Variants in CNTNAP1 observed in about 807,000 individuals in gnomAD.
CNTNAP1 encodes the protein contactin associated protein 1, also known as contactin-associated protein 1.
A neutral mutation model predicts 161.5 loss-of-function variants in CNTNAP1; 80 were observed. The observed-to-expected ratio is 0.50, with a 90% CI of 0.41 to 0.60. CNTNAP1 has a LOEUF of 0.60. CNTNAP1 is among the 20% of genes least tolerant of loss of function. The pLI is 0.00. For missense variants in CNTNAP1, 1,464 were observed against 1,854.8 expected (o/e 0.79, Z 3.87); for synonymous variants, 695 against 733.1 (o/e 0.95, Z 0.84).
chr17:42,683,489 G>C, intron 1 of CNTNAP1: 1 of 1,167,202 alleles, frequency 8.6e-7, no homozygotes, highest in Non-Finnish European at 1.1e-6. Context: ...TGGTGTCTTG[G>C]GTTGACTTAG....
At position 42,691,456 on chromosome 17, in the gene CNTNAP1, CCG is replaced by C; in HGVS notation, c.2291_2292del (p.Arg764LeufsTer4). 1 of 1,614,120 alleles carries C rather than the reference CCG, an allele frequency of 6.2e-7. No individual in the cohort carries two copies. On this transcript the variant is annotated frameshift_variant, in exon 15 of 24. Coordinates refer to ENST00000264638, the MANE Select transcript of CNTNAP1 (RefSeq NM_003632.3). LOFTEE classifies it high-confidence loss of function. The surrounding 1 kb of genome is among the most constrained non-coding windows in gnomAD (Gnocchi z 4.3). ...VTQVVIGDTN[R>X]STSEAQFFLR... is the part of the protein sequence containing the mutation. Reference sequence around the variant, plus strand: ...CTCAGGTAGTGATAGGGGATACGAACCGCTCCACTTCTGAGGCCCAGTTCTTC... The same window carrying C: ...CTCAGGTAGTGATAGGGGATACGAACCTCCACTTCTGAGGCCCAGTTCTTC...
Position 42,686,129 on chromosome 17 carries a change from C to T in CNTNAP1, c.888C>T (p.Asn296=). 2 of 1,614,154 alleles carry T rather than the reference C, an allele frequency of 1.2e-6. No individual in the cohort carries two copies. The highest frequency in any genetic ancestry group is 1.3e-5 in the African/African-American group (1 of 75,040). The change falls in exon 6 of 24, where the codon AAC becomes AAT. Residue 296 remains asparagine, a synonymous_variant. Coordinates refer to ENST00000264638, the MANE Select transcript of CNTNAP1 (RefSeq NM_003632.3). ...TCAATGGAGACTTCGAGAGGCTGAACCTGGACACTGAGGTGAGAGACTAGG... is the reference window on the plus strand; with the variant it reads ...TCAATGGAGACTTCGAGAGGCTGAATCTGGACACTGAGGTGAGAGACTAGG... The part of the protein sequence containing the change: ...FILNGDFERL[N]LDTEMFIGGL...
chr17:42,684,812 G>A (rs985734890), intron 3 of CNTNAP1, among the ~76,000 whole-genome samples, 179 bp from the exon 4 acceptor site: 5 of 152,080 alleles, frequency 3.3e-5, no homozygotes, highest in African/African-American at 1.2e-4. Flanking sequence ...TGTAATCCCA[G>A]CTACTTGGGA....
chr17:42,682,570 G>A lies in CNTNAP1; in HGVS notation c.-260G>A. The A allele has an allele frequency of 1.9e-6, 1 of 527,092 alleles. No individual in the cohort carries two copies. The highest frequency in any genetic ancestry group is 3.4e-6 in the Non-Finnish European group (1 of 297,132). The allele number at this position is 527,092 out of a possible 1,614,324, so 32.7% of individuals were successfully genotyped here. ...CCAGGAGACAGAGGCTGGGGAAGGG[G>A]GGAGGTGAGAGGAAAGAGGGTGGAA... On this transcript the variant is annotated 5_prime_UTR_variant, in exon 1 of 24. Transcript: ENST00000264638.
chr17:42,697,359 G>A lies in CNTNAP1; in HGVS notation c.3560G>A (p.Arg1187His), dbSNP rs374717974. 6.3e-5 allele frequency: 102 copies of A among 1,613,928 alleles called. No individual in the cohort carries two copies. Among genetic ancestry groups the A allele is most frequent in the Non-Finnish European group, 7.9e-5 (93 of 1,179,972 alleles). Residue 1187 changes from arginine to histidine, a missense_variant, in exon 21 of 24, where the codon CGT (arginine) becomes CAT (histidine). Around this residue, in one of 3 missense-constraint regions of CNTNAP1, gnomAD observed 1,383 missense variants for 1,765.0 expected, o/e 0.78. Transcript: ENST00000264638. ...LDSPKALYLG[R>H]VMETGVIDPE... ...TCACCCAAGGCCTTGTATTTAGGGC[G>A]TGTGATGGGTAAGCTGCGGGTGCGG...
intron 8 of CNTNAP1, among the ~76,000 whole-genome samples, chr17:42,688,252 G>A (rs905202298): frequency 1.3e-5 from 2 of 152,170 alleles, no homozygotes; most frequent in Non-Finnish European, 2.9e-5. Context: ...TTGGTTACTC[G>A]TTTATAACTG....
chr17:42,685,267 C>A lies in CNTNAP1; in HGVS notation c.562C>A (p.Pro188Thr). The change falls in exon 5 of 24, where the codon CCG becomes ACG. Residue 188 changes from proline (P) to threonine (T), a missense_variant. Pro to Thr is a conservative substitution (Grantham distance 38). Around this residue, in one of 3 missense-constraint regions of CNTNAP1, gnomAD observed 1,383 missense variants for 1,765.0 expected, o/e 0.78. Coordinates refer to ENST00000264638, the MANE Select transcript of CNTNAP1 (RefSeq NM_003632.3). This position sits in a 1 kb window ranked among gnomAD's most constrained non-coding sequence, Gnocchi z 5.0. ...DGDDAISYRF[P>T]RGVSRSLWDV... ...CGACGATGCCATCTCCTACCGCTTC[C>A]CGCGAGGGGTCAGCCGAAGCCTGTG... The A allele has an allele frequency of 6.2e-7, 1 of 1,613,844 alleles. No homozygotes were observed. Among genetic ancestry groups the A allele is most frequent in the Non-Finnish European group, 8.5e-7 (1 of 1,180,046 alleles).
chr17:42,682,943 G>T, intron 1 of CNTNAP1, 47 bp downstream of exon 1: 1 of 1,539,866 alleles, frequency 6.5e-7, no homozygotes, highest in Non-Finnish European at 8.8e-7. Context: ...CAGGAGTCCA[G>T]AGCCTGCAGG....
rs933980284 is a variant in CNTNAP1, at chr17:42,698,931, C to T, written c.*21C>T. ...AATGAGTCAGAAGGGCTTCTGGGAC[C>T]AATTCCAGCTCCTGACATTCCCCCA... is the stretch of plus-strand genomic sequence containing the variant. On this transcript the variant is annotated 3_prime_UTR_variant, in exon 24 of 24. Transcript: ENST00000264638. The T allele has an allele frequency of 6.8e-7, 1 of 1,481,396 alleles. No homozygotes were observed. Among genetic ancestry groups the T allele is most frequent in the Non-Finnish European group, 8.9e-7 (1 of 1,121,722 alleles). 91.8% of individuals were successfully genotyped at this position (1,481,396 alleles called of 1,614,324 possible).
In CNTNAP1 at chr17:42,685,203, G is replaced by T; in HGVS notation, c.512-14G>T. 1.2e-6 allele frequency: 2 copies of T among 1,613,366 alleles called. No individual in the cohort carries two copies. On this transcript the variant is annotated splice_polypyrimidine_tract_variant and intron_variant, in intron 4 of 23. Transcript: ENST00000264638. This position sits in a 1 kb window ranked among gnomAD's most constrained non-coding sequence, Gnocchi z 5.0. ...CCTCCCCAGTTCCCGGCCCACCTACGGTCCTTTGCGCAGAGGCCGACATAC... is the reference window on the plus strand; with the variant it reads ...CCTCCCCAGTTCCCGGCCCACCTACTGTCCTTTGCGCAGAGGCCGACATAC...
rs2053148738 is a variant in CNTNAP1, at chr17:42,696,091, T to C, written c.3413T>C (p.Val1138Ala). The C allele has an allele frequency of 5.0e-6, 8 of 1,614,004 alleles. No homozygotes were observed. Among genetic ancestry groups the C allele is most frequent in the Non-Finnish European group, 5.9e-6 (7 of 1,180,032 alleles). ...GTGTACCAGCTAACCACTCGACCAG[T>C]GACCGATGGCCAGCCCCATAGCATC... ...PYVYQLTTRP[V>A]TDGQPHSINI... The change falls in exon 20 of 24, where the codon GTG becomes GCG. Residue 1138 changes from valine to alanine, a missense_variant. Physicochemically the swap from Val to Ala is moderately conservative, Grantham distance 64. Transcript: ENST00000264638.
chr17:42,688,412 A>ACCCTAGTTGCTGCTTCCCTCCACCC (rs2053044861), intron 8 of CNTNAP1, 50 bp from the exon 9 acceptor site: 2 of 1,612,952 alleles, frequency 1.2e-6, no homozygotes, highest in Non-Finnish European at 1.7e-6. Flanking sequence ...ACATTCTTCT[A>ACCCTAGTTGCTGCTTCCCTCCACCC]CCCTAGTTGC....
At chr17:42,688,256 A>G (rs987463100) in intron 8 of CNTNAP1, among the ~76,000 whole-genome samples, 1 of 152,190 alleles carries the variant, frequency 6.6e-6, no homozygotes, top group Admixed American at 6.5e-5. Flanking sequence ...TTACTCGTTT[A>G]TAACTGTGCA....
chr17:42,697,346 T>A lies in CNTNAP1; in HGVS notation c.3547T>A (p.Leu1183Met), dbSNP rs144769876. Residue 1183 changes from leucine to methionine, a missense_variant, in exon 21 of 24, where the codon TTG (leucine) becomes ATG (methionine). Around this residue, in one of 3 missense-constraint regions of CNTNAP1, gnomAD observed 1,383 missense variants for 1,765.0 expected, o/e 0.78. Transcript: ENST00000264638. ...VDSQLDSPKA[L>M]YLGRVMETGV... ...CAGCCAGTTGGACTCACCCAAGGCC[T>A]TGTATTTAGGGCGTGTGATGGGTAA... The A allele has an allele frequency of 1.2e-6, 2 of 1,613,498 alleles. No individual in the cohort carries two copies. Among genetic ancestry groups the A allele is most frequent in the African/African-American group, 2.7e-5 (2 of 74,910 alleles).
Position 42,698,984 on chromosome 17 carries a change from G to C in CNTNAP1, c.*74G>C. On this transcript the variant is annotated 3_prime_UTR_variant, in exon 24 of 24. Coordinates refer to ENST00000264638, the MANE Select transcript of CNTNAP1 (RefSeq NM_003632.3). ...CCTGCCTCTCCCCCATCCTATCAGG[G>C]ACATTTGGCTCCTCTTAGCTGGCTC... 1 of 1,373,842 alleles carries C rather than the reference G, an allele frequency of 7.3e-7. No homozygotes were observed. The highest frequency in any genetic ancestry group is 9.7e-7 in the Non-Finnish European group (1 of 1,030,850). The allele number at this position is 1,373,842 out of a possible 1,614,324, so 85.1% of individuals were successfully genotyped here. A position where few individuals can be genotyped will look rare whatever the true frequency, so the allele number is the denominator to read the frequency against.
rs748941568 is a variant in CNTNAP1 at position 42,685,345 on chromosome 17, C to A, written c.640C>A (p.His214Asn). Reference protein sequence around the residue: ...KTEEKDGLLLHAEGAQGDYVT... With the variant: ...KTEEKDGLLLNAEGAQGDYVT... ...CGAGGAGAAGGACGGTCTTCTGCTG[C>A]ACGCCGAGGGCGCCCAGGGCGACTA... Residue 214 changes from histidine (H) to asparagine (N), a missense_variant, in exon 5 of 24, where the codon CAC (histidine) becomes AAC (asparagine). By Grantham distance (68) the His-to-Asn change is moderately conservative. Around this residue, in one of 3 missense-constraint regions of CNTNAP1, gnomAD observed 1,383 missense variants for 1,765.0 expected, o/e 0.78. Coordinates refer to ENST00000264638, the MANE Select transcript of CNTNAP1 (RefSeq NM_003632.3). The surrounding 1 kb of genome is among the most constrained non-coding windows in gnomAD (Gnocchi z 5.0). 6.2e-7 allele frequency: 1 copy of A among 1,610,546 alleles called. No homozygotes were observed. The highest frequency in any genetic ancestry group is 8.5e-7 in the Non-Finnish European group (1 of 1,180,004).
rs2053083458 is a variant in CNTNAP1 at position 42,691,316 on chromosome 17, T to A, written c.2216+23T>A. 1 of 1,613,608 alleles carries A rather than the reference T, an allele frequency of 6.2e-7. No homozygotes were observed. The highest frequency in any genetic ancestry group is 8.5e-7 in the Non-Finnish European group (1 of 1,179,844). ...GTGGTGAGGGGGCAAAGGGACAGGGTTTTTAGGACTCCGGGAGTGGGAGGA... is the reference window on the plus strand; with the variant it reads ...GTGGTGAGGGGGCAAAGGGACAGGGATTTTAGGACTCCGGGAGTGGGAGGA... On this transcript the variant is annotated intron_variant, in intron 14 of 23. Transcript: ENST00000264638. This position sits in a 1 kb window ranked among gnomAD's most constrained non-coding sequence, Gnocchi z 4.3.
Position 42,685,053 on chromosome 17 carries a change from T to A in CNTNAP1, c.426T>A (p.Thr142=). The change falls in exon 4 of 24, where the codon ACT becomes ACA. Residue 142 remains threonine (T), a synonymous_variant. Coordinates refer to ENST00000264638, the MANE Select transcript of CNTNAP1 (RefSeq NM_003632.3). The surrounding 1 kb of genome is among the most constrained non-coding windows in gnomAD (Gnocchi z 5.0). ...GCCATGACCTGCACTTCCACTTCAC[T>A]GCGCGCTACATCCGCATCGTGCCCC... ...VVRHDLHFHF[T]ARYIRIVPLA... 6.3e-7 allele frequency: 1 copy of A among 1,588,388 alleles called. No homozygotes were observed. Among genetic ancestry groups the A allele is most frequent in the Non-Finnish European group, 8.6e-7 (1 of 1,169,476 alleles).
chr17:42,695,899 C>T, intron 19 of CNTNAP1, 25 bp downstream of exon 19: 1 of 1,602,392 alleles, frequency 6.2e-7, no homozygotes, highest in Non-Finnish European at 8.5e-7. Context: ...GCTCTCTCAC[C>T]CCACTCCAGC....
Sources: allele counts gnomAD v4.1 joint callset (sites outside exome capture counted in the v4.1 genomes callset), GRCh38; gene constraint gnomAD v4.1.1; regional missense constraint gnomAD v4.1.1; non-coding constraint Gnocchi (gnomAD v3.1); transcripts MANE v1.5; gene names NCBI Gene and HGNC (gene_info 2026-07-23, HGNC 2026-07-21).